PTPN14: variants seen among roughly 807,000 people sequenced by gnomAD.
PTPN14 encodes the protein protein tyrosine phosphatase non-receptor type 14, also known as tyrosine-protein phosphatase non-receptor type 14.
A neutral mutation model predicts 126.8 loss-of-function variants in PTPN14; 53 were observed. The observed-to-expected ratio is 0.42, with a 90% CI of 0.34 to 0.53. PTPN14 has a LOEUF of 0.53. Ranked by LOEUF, PTPN14 falls within the 20% of genes least tolerant of loss-of-function variation. The pLI is 0.08. For synonymous variants in PTPN14, 630 were observed against 599.3 expected, an observed-to-expected ratio of 1.05 and a Z score of -0.75; for missense variants, 1,257 against 1,552.9, an observed-to-expected ratio of 0.81 and a Z score of 3.20.
At chr1:214,541,938 T>C (rs1254264211) in intron 1 of PTPN14, among the ~76,000 whole-genome samples, 1 of 152,126 alleles carries the variant, frequency 6.6e-6, no homozygotes, top group Non-Finnish European at 1.5e-5. Context: ...TCATAAGCAG[T>C]TTTTAAATGA....
At chr1:214,547,653 G>A (rs561349966) in intron 1 of PTPN14, among the ~76,000 whole-genome samples, 155 of 152,292 alleles carry the variant, frequency 1.0e-3, no homozygotes, top group Non-Finnish European at 1.7e-3. Flanking sequence ...GTTAAAGGCA[G>A]ACAGAGTTAT....
intron 1 of PTPN14, among the ~76,000 whole-genome samples, chr1:214,497,121 G>C (rs1026193690): frequency 3.3e-5 from 5 of 151,776 alleles, no homozygotes; most frequent in South Asian, 2.1e-4. Context: ...GGGCAGCGGT[G>C]GGGGGTCGGG....
intron 15 of PTPN14, among the ~76,000 whole-genome samples, chr1:214,373,558 AACACACACAC>A (rs10562157): frequency 0.065 from 9,047 of 138,598 alleles, 336 homozygotes; most frequent in African/African-American, 0.095. Flanking sequence ...ATTTCATTGA[AACACACACAC>A]ACACACACAC....
At chr1:214,521,230 T>C (rs1655246449) in intron 1 of PTPN14, among the ~76,000 whole-genome samples, 1 of 152,228 alleles carries the variant, frequency 6.6e-6, no homozygotes, top group East Asian at 1.9e-4. Context: ...TATAAATGCA[T>C]ACACGAGTAT....
intron 3 of PTPN14, among the ~76,000 whole-genome samples, chr1:214,440,480 T>C (rs1204177921): frequency 2.0e-5 from 3 of 152,238 alleles, no homozygotes; most frequent in Non-Finnish European, 2.9e-5. Context: ...TCTGAATAAT[T>C]TGAGCCATGG....
intron 1 of PTPN14, among the ~76,000 whole-genome samples, chr1:214,546,623 G>A (rs1416245296): frequency 2.6e-5 from 4 of 152,124 alleles, no homozygotes; most frequent in African/African-American, 7.2e-5. Context: ...ACTTAGAGAC[G>A]ATGCTACATC....
chr1:214,499,948 G>T (rs1654640603), intron 1 of PTPN14, among the ~76,000 whole-genome samples: 1 of 151,726 alleles, frequency 6.6e-6, no homozygotes, highest in Non-Finnish European at 1.5e-5. Flanking sequence ...GGCTTGAGGA[G>T]GGGAAAGGAC....
chr1:214,376,059 T>A (rs1400760599), intron 15 of PTPN14, among the ~76,000 whole-genome samples, 160 bp downstream of exon 15: 1 of 152,112 alleles, frequency 6.6e-6, no homozygotes, highest in East Asian at 1.9e-4. Flanking sequence ...GACATGCCCT[T>A]CCACTTGACT....
chr1:214,482,784 C>T (rs1287255124), intron 1 of PTPN14: 1 of 1,601,040 alleles, frequency 6.2e-7, no homozygotes, highest in African/African-American at 1.3e-5. Context: ...TGGATTTTAC[C>T]TGGGAGTGGC....
intron 3 of PTPN14, among the ~76,000 whole-genome samples, chr1:214,437,471 C>T (rs1243811154): frequency 6.6e-6 from 1 of 151,908 alleles, no homozygotes; most frequent in African/African-American, 2.4e-5. Flanking sequence ...AATTCTTATG[C>T]AATAAATAGT....
intron 8 of PTPN14, among the ~76,000 whole-genome samples, chr1:214,397,394 AG>A (rs1658905596): frequency 6.6e-6 from 1 of 152,194 alleles, no homozygotes; most frequent in Non-Finnish European, 1.5e-5. Context: ...CATGAAATGC[AG>A]GGGGGAGATG....
rs71165970 is a variant in PTPN14 at position 214,449,011 on chromosome 1, C to CTTTTTTT, written c.344+2787_344+2793dup. Reference sequence around the variant, plus strand: ...TGTGCCCTTGTAAGACTTAATTTTTCTTTTTTTTTTTTTGAGACGGAGTCT... The same window carrying CTTTTTTT: ...TGTGCCCTTGTAAGACTTAATTTTTCTTTTTTTTTTTTTTTTTTTTGAGACGGAGTCT... On this transcript the variant is annotated intron_variant, in intron 3 of 18. Coordinates refer to ENST00000366956, the MANE Select transcript of PTPN14 (RefSeq NM_005401.5). Among the ~76,000 whole-genome samples the CTTTTTTT allele has an allele frequency of 1.8e-3, 203 of 112,468 alleles. 25 individuals are homozygous for CTTTTTTT. Among genetic ancestry groups the CTTTTTTT allele is most frequent in the African/African-American group, 6.4e-3 (177 of 27,608 alleles). 73.8% of individuals were successfully genotyped at this position (112,468 alleles called of 152,430 possible). A position where few individuals can be genotyped will look rare whatever the true frequency, so the allele number is the denominator to read the frequency against.
At chr1:214,397,415 C>G (rs1350952657) in intron 8 of PTPN14, among the ~76,000 whole-genome samples, 1 of 152,180 alleles carries the variant, frequency 6.6e-6, no homozygotes, top group Non-Finnish European at 1.5e-5. Context: ...GGCTGCATCT[C>G]TACACTGGTG....
chr1:214,491,535 G>C (rs1661251558), intron 1 of PTPN14, among the ~76,000 whole-genome samples: 1 of 152,120 alleles, frequency 6.6e-6, no homozygotes, highest in African/African-American at 2.4e-5. Context: ...CTAGATCCCT[G>C]GCTTGAGCTG....
At chr1:214,390,872 T>A in intron 11 of PTPN14, 116 bp downstream of exon 11, 3 of 832,132 alleles carry the variant, frequency 3.6e-6, no homozygotes, top group Non-Finnish European at 5.2e-6. Flanking sequence ...ATGACGCCTC[T>A]GTGTTCTCAC....
chr1:214,437,105 A>G (rs1659939008), intron 3 of PTPN14, among the ~76,000 whole-genome samples: 1 of 152,126 alleles, frequency 6.6e-6, no homozygotes, highest in Non-Finnish European at 1.5e-5. Flanking sequence ...ATTTTTTCAA[A>G]TAACTGATAA....
chr1:214,465,951 C>CTTTCTTTTTTTTTTTTTTT lies in PTPN14; in HGVS notation c.-154-995_-154-994insAAAAAAAAAAAAAAAGAAA, dbSNP rs1324868342. 1.4e-4 allele frequency among the ~76,000 whole-genome samples: 8 copies of CTTTCTTTTTTTTTTTTTTT among 59,024 alleles called. 1 individual carries two copies. Among genetic ancestry groups the CTTTCTTTTTTTTTTTTTTT allele is most frequent in the African/African-American group, 5.5e-4 (8 of 14,444 alleles). 38.7% of individuals were successfully genotyped at this position (59,024 alleles called of 152,430 possible). A position where few individuals can be genotyped will look rare whatever the true frequency, so the allele number is the denominator to read the frequency against. On this transcript the variant is annotated intron_variant, in intron 1 of 18. Coordinates refer to ENST00000366956, the MANE Select transcript of PTPN14 (RefSeq NM_005401.5). ...TGCATTTAATATAATCAGTTACTTC[C>CTTTCTTTTTTTTTTTTTTT]TTTTTTTTTTTTTTTTTTTTGTGAA...
chr1:214,525,918 T>C (rs146409640), intron 1 of PTPN14, among the ~76,000 whole-genome samples: 2 of 151,574 alleles, frequency 1.3e-5, no homozygotes, highest in East Asian at 3.9e-4. Context: ...AGTAGTTTCA[T>C]CTTACATGGC....
intron 5 of PTPN14, among the ~76,000 whole-genome samples, chr1:214,408,470 C>T (rs1571981132): frequency 6.6e-6 from 1 of 152,134 alleles, no homozygotes; most frequent in Admixed American, 6.5e-5. Flanking sequence ...GGGTTAAAAC[C>T]TAGTCTTATC....
Sources: allele counts gnomAD v4.1 joint callset (sites outside exome capture counted in the v4.1 genomes callset), GRCh38; gene constraint gnomAD v4.1.1; transcripts MANE v1.5; gene names NCBI Gene and HGNC (gene_info 2026-07-23, HGNC 2026-07-21).